The following FSTL5 variants were observed in gnomAD, a reference collection of about 807,000 sequenced individuals.
FSTL5 encodes follistatin-related protein 5.
FSTL5 carries 62 observed loss-of-function variants against 89.1 expected under a neutral mutation model. The observed-to-expected ratio is 0.70, with a 90% CI of 0.57 to 0.86. FSTL5 has a LOEUF of 0.86. Ranked by LOEUF, FSTL5 falls within the 40% of genes least tolerant of loss-of-function variation. The pLI, the probability that FSTL5 is intolerant of heterozygous loss-of-function variation, is 0.00. For synonymous variants in FSTL5, 383 were observed against 346.2 expected, an observed-to-expected ratio of 1.11 and a Z score of -1.18; for missense variants, 1,057 against 1,001.6, an observed-to-expected ratio of 1.06 and a Z score of -0.75.
At chr4:161,832,944 G>A (rs1452200933) in intron 4 of FSTL5, among the ~76,000 whole-genome samples, 1 of 148,324 alleles carries the variant, frequency 6.7e-6, no homozygotes, top group Non-Finnish European at 1.5e-5. Context: ...GTTTGCTCTT[G>A]CTTTTCTAGT....
In FSTL5 at chr4:161,587,456, A is replaced by T. The variant is rs201478817; in HGVS notation, c.1014T>A (p.Asn338Lys). 1.9e-6 allele frequency: 3 copies of T among 1,613,254 alleles called. No homozygotes were observed. Among genetic ancestry groups the T allele is most frequent in the Non-Finnish European group, 2.5e-6 (3 of 1,179,398 alleles). The change falls in exon 8 of 16, where the codon AAT (asparagine) becomes AAA (lysine). Residue 338 changes from asparagine to lysine, a missense_variant and splice_region_variant. This residue lies in a region of FSTL5 where 980 missense variants were observed against 903.2 expected (regional missense o/e 1.08). Coordinates refer to ENST00000306100, the MANE Select transcript of FSTL5 (RefSeq NM_020116.5). ...QVYQTHIFQVNVPPVIRVYPE... is the reference protein window; with the variant it reads ...QVYQTHIFQVKVPPVIRVYPE... Reference sequence around the variant, plus strand: ...AGGGTAACAAAAATCACTTCTTACCATTCACTTGGAAGATGTGAGTCTGAT... The same window carrying T: ...AGGGTAACAAAAATCACTTCTTACCTTTCACTTGGAAGATGTGAGTCTGAT...
intron 8 of FSTL5, among the ~76,000 whole-genome samples, chr4:161,561,586 T>C (rs996079757): frequency 6.6e-6 from 1 of 151,762 alleles, no homozygotes; most frequent in African/African-American, 2.4e-5. Context: ...TTGCGCACTT[T>C]AACAGGGAAT....
At chr4:162,005,768 T>G (rs74470533) in intron 3 of FSTL5, among the ~76,000 whole-genome samples, 5,584 of 152,210 alleles carry the variant, frequency 0.037, 151 homozygotes, top group South Asian at 0.088. Context: ...ATCCTCAGTA[T>G]GGACACTATG....
chr4:162,041,010 A>T (rs1004620690), intron 2 of FSTL5, among the ~76,000 whole-genome samples: 2 of 151,972 alleles, frequency 1.3e-5, no homozygotes, highest in African/African-American at 4.8e-5. Flanking sequence ...TCCAGAATTC[A>T]ATAGTCAGGT....
intron 7 of FSTL5, among the ~76,000 whole-genome samples, chr4:161,615,444 CAA>C (rs570217571): frequency 0.34 from 29,720 of 86,856 alleles, 3,158 homozygotes; most frequent in Middle Eastern, 0.52. Context: ...GACTCCATCT[CAA>C]AAAAAAAAAA....
intron 3 of FSTL5, among the ~76,000 whole-genome samples, chr4:161,925,983 T>C (rs1327250822): frequency 2.0e-5 from 3 of 151,956 alleles, no homozygotes. Context: ...TTAAGTATAA[T>C]ATTTTGGTGA....
intron 6 of FSTL5, among the ~76,000 whole-genome samples, chr4:161,718,308 A>G (rs1739067689): frequency 6.6e-6 from 1 of 152,208 alleles, no homozygotes; most frequent in Non-Finnish European, 1.5e-5. Flanking sequence ...ATTTTTACTA[A>G]TTTATGAACA....
At chr4:161,836,468 A>G (rs1731045787) in intron 4 of FSTL5, among the ~76,000 whole-genome samples, 1 of 151,914 alleles carries the variant, frequency 6.6e-6, no homozygotes, top group South Asian at 2.1e-4. Context: ...AATAAAAAAA[A>G]AAAGAAAAGA....
At chr4:161,738,042 G>C (rs1333823828) in intron 6 of FSTL5, among the ~76,000 whole-genome samples, 1 of 151,964 alleles carries the variant, frequency 6.6e-6, no homozygotes, top group African/African-American at 2.4e-5. Context: ...ATATTTTACT[G>C]TTTTTTCCGA....
rs1056123137 is a variant in FSTL5 at position 161,539,176 on chromosome 4, A to C, written c.1178-876T>G. On this transcript the variant is annotated intron_variant, in intron 9 of 15. Transcript: ENST00000306100. ...TTTCTGTGTGTATGTGTGTGTGTGCATGCCTGTGTGGGTACTGTGTGTGTG... is the reference window on the plus strand; with the variant it reads ...TTTCTGTGTGTATGTGTGTGTGTGCCTGCCTGTGTGGGTACTGTGTGTGTG... Among the ~76,000 whole-genome samples, 124 of 150,438 alleles carry C rather than the reference A, an allele frequency of 8.2e-4. 1 individual carries two copies. The highest frequency in any genetic ancestry group is 2.9e-3 in the African/African-American group (119 of 40,844).
chr4:161,895,295 CT>C (rs1293530030), intron 4 of FSTL5, among the ~76,000 whole-genome samples: 8 of 152,126 alleles, frequency 5.3e-5, no homozygotes, highest in African/African-American at 1.9e-4. Context: ...GTTTACAGTT[CT>C]TTCTACCTTA....
chr4:161,837,443 A>G (rs1295560316), intron 4 of FSTL5, among the ~76,000 whole-genome samples: 2 of 152,146 alleles, frequency 1.3e-5, no homozygotes, highest in Non-Finnish European at 2.9e-5. Context: ...ATATTTGGTA[A>G]ATAAATAGGA....
At chr4:161,959,692 T>C (rs188664119) in intron 3 of FSTL5, among the ~76,000 whole-genome samples, 1 of 152,250 alleles carries the variant, frequency 6.6e-6, no homozygotes, top group East Asian at 1.9e-4. Flanking sequence ...GGTATGCAGA[T>C]TTTTTTAGAC....
At chr4:162,071,216 TACA>T (rs751070795) in intron 2 of FSTL5, among the ~76,000 whole-genome samples, 40 of 151,482 alleles carry the variant, frequency 2.6e-4, no homozygotes, top group Non-Finnish European at 5.3e-4. Flanking sequence ...TGAAATAAAA[TACA>T]ACAAGATGCA....
intron 6 of FSTL5, among the ~76,000 whole-genome samples, chr4:161,716,032 C>T (rs988646049): frequency 6.6e-6 from 1 of 152,060 alleles, no homozygotes; most frequent in Non-Finnish European, 1.5e-5. Flanking sequence ...AATCCAAAAC[C>T]CTTGCAATAG....
At chr4:161,661,246 A>T (rs937727346) in intron 6 of FSTL5, among the ~76,000 whole-genome samples, 6 of 152,178 alleles carry the variant, frequency 3.9e-5, no homozygotes, top group Admixed American at 3.3e-4. Flanking sequence ...CTAAATATCG[A>T]CATCTTTGAT....
chr4:161,774,418 G>A (rs993170170), intron 5 of FSTL5, among the ~76,000 whole-genome samples: 2 of 152,082 alleles, frequency 1.3e-5, no homozygotes, highest in African/African-American at 4.8e-5. Context: ...ACAGTTTGTG[G>A]TATTTTCTTA....
chr4:161,714,454 C>T (rs1204796979), intron 6 of FSTL5, among the ~76,000 whole-genome samples: 1 of 152,082 alleles, frequency 6.6e-6, no homozygotes, highest in South Asian at 2.1e-4. Context: ...TGAGAGCTAT[C>T]GTGAGTAATA....
intron 12 of FSTL5, among the ~76,000 whole-genome samples, chr4:161,494,881 G>A (rs1730009588): frequency 6.6e-6 from 1 of 151,918 alleles, no homozygotes; most frequent in Non-Finnish European, 1.5e-5. Context: ...GCAACCTTGC[G>A]AGGCCCTGTC....
Sources: allele counts gnomAD v4.1 joint callset (sites outside exome capture counted in the v4.1 genomes callset), GRCh38; gene constraint gnomAD v4.1.1; regional missense constraint gnomAD v4.1.1; transcripts MANE v1.5; gene names NCBI Gene and HGNC (gene_info 2026-07-23, HGNC 2026-07-21).